The following HECW2 variants were observed in gnomAD, a reference collection of about 807,000 sequenced individuals.
HECW2 encodes the protein HECT, C2 and WW domain containing E3 ubiquitin protein ligase 2.
Under a neutral mutation model 175.2 loss-of-function variants are expected in HECW2, and 61 were observed. The observed-to-expected ratio is 0.35, with a 90% confidence interval of 0.28 to 0.43. The LOEUF is 0.43. Ranked by LOEUF, HECW2 falls within the 20% of genes least tolerant of loss-of-function variation. The pLI is 1.00. For missense variants in HECW2, 1,524 were observed against 2,000.5 expected, an observed-to-expected ratio of 0.76 and a Z score of 4.54; for synonymous variants, 671 against 731.0, an observed-to-expected ratio of 0.92 and a Z score of 1.32.
chr2:196,497,377 G>A (rs1189365846), intron 1 of HECW2, among the ~76,000 whole-genome samples: 8 of 152,182 alleles, frequency 5.3e-5, no homozygotes, highest in African/African-American at 7.2e-5. Flanking sequence ...TAAATATTAA[G>A]TTTGCATTCA....
chr2:196,589,284 G>A (rs918734013), intron 1 of HECW2, among the ~76,000 whole-genome samples: 1 of 152,112 alleles, frequency 6.6e-6, no homozygotes, highest in African/African-American at 2.4e-5. Flanking sequence ...GTTTGGGAAA[G>A]GTGACAGCCA....
chr2:196,219,177 T>C (rs993401354), intron 26 of HECW2, among the ~76,000 whole-genome samples: 1 of 152,240 alleles, frequency 6.6e-6, no homozygotes, highest in Admixed American at 6.5e-5. Flanking sequence ...ATTCTCCAAG[T>C]TCAGAACTAC....
intron 3 of HECW2, among the ~76,000 whole-genome samples, chr2:196,339,003 CT>C (rs1692650270): frequency 6.6e-6 from 1 of 152,198 alleles, no homozygotes; most frequent in African/African-American, 2.4e-5. Context: ...AATGGCCAGG[CT>C]TTCCTCTGCT....
In HECW2 at chr2:196,315,493, A is replaced by T. The variant is rs138535513; in HGVS notation, c.2434+1781T>A. 5.8e-3 allele frequency among the ~76,000 whole-genome samples: 888 copies of T among 152,204 alleles called. 8 individuals are homozygous for T. Among genetic ancestry groups the T allele is most frequent in the Middle Eastern group, 0.021 (6 of 292 alleles). ...TCAACTCTAAACATCGTGTAGTGGG[A>T]GGCACCCCCTGCCATCACTGAAAAC... is the stretch of plus-strand genomic sequence containing the variant. On this transcript the variant is annotated intron_variant, in intron 10 of 28. Coordinates refer to ENST00000644978, the MANE Select transcript of HECW2 (RefSeq NM_001348768.2).
At position 196,329,905 on chromosome 2, in the gene HECW2, C is replaced by CT. The variant is rs536577587; in HGVS notation, c.496-256dup. ...CCAATAACTATGAATCAAACTATGT[C>CT]TTTTTTTCCCTTTGATAAGAATATA... On this transcript the variant is annotated intron_variant, in intron 4 of 28. Transcript: ENST00000644978. 7.2e-5 allele frequency among the ~76,000 whole-genome samples: 11 copies of CT among 152,196 alleles called. No individual in the cohort carries two copies. In the South Asian group the frequency reaches 2.3e-3, roughly 32 times the overall value.
At chr2:196,480,461 AGAG>A (rs994409461) in intron 1 of HECW2, among the ~76,000 whole-genome samples, 19 of 152,198 alleles carry the variant, frequency 1.2e-4, no homozygotes, top group African/African-American at 4.6e-4. Flanking sequence ...CCCCAAGGGT[AGAG>A]AAGAGGATCC....
rs187757507 is a variant in HECW2, at chr2:196,340,943, A to C, written c.400+2714T>G. 6.1e-3 allele frequency among the ~76,000 whole-genome samples: 888 copies of C among 144,918 alleles called. 9 individuals carry two copies. The highest frequency in any genetic ancestry group is 0.021 in the Middle Eastern group (6 of 284). On this transcript the variant is annotated intron_variant, in intron 3 of 28. Coordinates refer to ENST00000644978, the MANE Select transcript of HECW2 (RefSeq NM_001348768.2). ...AATACGGAGAAAAGAAAAAAAAAAA[A>C]CCCTTCTCTTTTCTTCATTCCCAAC...
At chr2:196,343,585 A>C in intron 3 of HECW2, 72 bp downstream of exon 3, 8 of 936,116 alleles carry the variant, frequency 8.5e-6, no homozygotes, top group Non-Finnish European at 1.3e-5. Flanking sequence ...AACATTCAAA[A>C]AGACTCCATA....
At chr2:196,357,612 C>A (rs1287295093) in intron 2 of HECW2, among the ~76,000 whole-genome samples, 1 of 152,250 alleles carries the variant, frequency 6.6e-6, no homozygotes, top group South Asian at 2.1e-4. Context: ...GCTCTGTGTC[C>A]CTACCCAAAT....
At position 196,420,740 on chromosome 2, in the gene HECW2, CAGTT is replaced by C. The variant is rs1695386016; in HGVS notation, c.292+12388_292+12391del. Among the ~76,000 whole-genome samples the C allele has an allele frequency of 5.9e-5, 9 of 152,018 alleles. No individual in the cohort carries two copies. In the South Asian group the frequency reaches 1.9e-3, roughly 32 times the overall value. ...TCTGGTGCTGCTGATTCAGATAAGT[CAGTT>C]CTTTTTTTTTCATCTTCAAATTGTT... On this transcript the variant is annotated intron_variant, in intron 2 of 28. Transcript: ENST00000644978.
chr2:196,533,702 T>C (rs1688921456), intron 1 of HECW2, among the ~76,000 whole-genome samples: 1 of 152,210 alleles, frequency 6.6e-6, no homozygotes, highest in South Asian at 2.1e-4. Flanking sequence ...TACTGTCACC[T>C]TAAACTAGCC....
At chr2:196,273,797 G>A (rs1353529916) in intron 16 of HECW2, among the ~76,000 whole-genome samples, 1 of 152,124 alleles carries the variant, frequency 6.6e-6, no homozygotes, top group East Asian at 1.9e-4. Context: ...GGAAAGGTAG[G>A]GTGGTATTAA....
intron 1 of HECW2, among the ~76,000 whole-genome samples, chr2:196,588,968 G>A (rs981327288): frequency 1.3e-5 from 2 of 152,108 alleles, no homozygotes; most frequent in Non-Finnish European, 2.9e-5. Flanking sequence ...TTGGGAGGCC[G>A]AGGAGGGTGG....
At chr2:196,434,849 G>A (rs1288115661) in intron 1 of HECW2, among the ~76,000 whole-genome samples, 1 of 152,134 alleles carries the variant, frequency 6.6e-6, no homozygotes, top group Non-Finnish European at 1.5e-5. Flanking sequence ...AACACCCACT[G>A]CATGAGTTTT....
intron 2 of HECW2, among the ~76,000 whole-genome samples, chr2:196,406,907 T>C (rs1694980352): frequency 3.3e-5 from 5 of 152,238 alleles, no homozygotes; most frequent in Non-Finnish European, 7.3e-5. Flanking sequence ...ACACTGTTTT[T>C]ATTATCTGCA....
At chr2:196,301,687 T>C (rs994296244) in intron 13 of HECW2, among the ~76,000 whole-genome samples, 3 of 152,032 alleles carry the variant, frequency 2.0e-5, no homozygotes, top group African/African-American at 7.2e-5. Flanking sequence ...TTTTGAGAAA[T>C]GTCTATTCAT....
intron 21 of HECW2, among the ~76,000 whole-genome samples, chr2:196,237,977 G>A (rs1462648531): frequency 3.3e-5 from 5 of 152,196 alleles, no homozygotes; most frequent in Non-Finnish European, 7.3e-5. Flanking sequence ...GTTTTTAAAT[G>A]CTCATTACTA....
intron 13 of HECW2, among the ~76,000 whole-genome samples, chr2:196,296,210 CCACTT>C (rs998448960): frequency 2.0e-5 from 3 of 152,104 alleles, no homozygotes; most frequent in Admixed American, 2.0e-4. Context: ...TATTTATACT[CCACTT>C]CATATAGAAC....
chr2:196,432,466 C>T (rs532751125), intron 2 of HECW2, among the ~76,000 whole-genome samples: 19 of 152,260 alleles, frequency 1.2e-4, no homozygotes, highest in African/African-American at 3.9e-4. Context: ...TGGCAGACAT[C>T]GTACTTTTTG....
Sources: allele counts gnomAD v4.1 joint callset (sites outside exome capture counted in the v4.1 genomes callset), GRCh38; gene constraint gnomAD v4.1.1; transcripts MANE v1.5; gene names NCBI Gene and HGNC (gene_info 2026-07-23, HGNC 2026-07-21).